The following PHTF2 variants were observed in gnomAD, a reference collection of about 807,000 sequenced individuals.
The protein encoded by PHTF2 is protein PHTF2.
PHTF2 carries 60 observed loss-of-function variants against 101.2 expected under a neutral mutation model. The observed-to-expected ratio is 0.59, with a 90% CI of 0.48 to 0.73. PHTF2 has a LOEUF of 0.73. PHTF2 is among the 30% of genes least tolerant of loss of function. PHTF2 has a pLI of 0.00. For synonymous variants in PHTF2, 311 were observed against 307.3 expected, an observed-to-expected ratio of 1.01 and a Z score of -0.13; for missense variants, 747 against 908.7, an observed-to-expected ratio of 0.82 and a Z score of 2.29.
intron 7 of PHTF2, among the ~76,000 whole-genome samples, chr7:77,904,254 G>A (rs1164567906): frequency 6.6e-6 from 1 of 152,020 alleles, no homozygotes; most frequent in African/African-American, 2.4e-5. Flanking sequence ...TTGCCTATGT[G>A]TCTTTGGACA....
rs751043578 is a variant in PHTF2 at position 77,937,807 on chromosome 7, T to C, written c.1436T>C (p.Val479Ala). Residue 479 changes from valine to alanine, a missense_variant, in exon 13 of 20, where the codon GTA becomes GCA. By Grantham distance (64) the Val-to-Ala change is moderately conservative. This residue lies in a region of PHTF2 where 349 missense variants were observed against 369.7 expected (regional missense o/e 0.94). Coordinates refer to ENST00000416283, the Ensembl canonical transcript of PHTF2. ...GATTGTAAGAAAGCAGACATGTCTG[T>C]ACTTGAAATCAGTGGAATGATAATG... is the stretch of plus-strand genomic sequence containing the variant. 6 of 1,546,820 alleles carry C rather than the reference T, an allele frequency of 3.9e-6. No individual in the cohort carries two copies. The South Asian group carries it at 7.4e-5, about 19-fold the overall frequency.
At chr7:77,897,660 T>C (rs1800995911) in intron 5 of PHTF2, among the ~76,000 whole-genome samples, 1 of 152,150 alleles carries the variant, frequency 6.6e-6, no homozygotes, top group Non-Finnish European at 1.5e-5. Context: ...CAGTGTAAAA[T>C]AGCTACTTAA....
intron 12 of PHTF2, among the ~76,000 whole-genome samples, chr7:77,935,057 T>G (rs755285318): frequency 2.6e-5 from 4 of 151,862 alleles, no homozygotes; most frequent in African/African-American, 7.3e-5. Flanking sequence ...TAAAAAAAAT[T>G]TCATGTGATG....
Position 77,854,890 on chromosome 7 carries a change from C to T in PHTF2, c.147+56C>T. Reference sequence around the variant, plus strand: ...CAGGGCAGCAGGCTTTGCTCTGGCCCATGCTGGGTCCAGAAATGCTGACCA... The same window carrying T: ...CAGGGCAGCAGGCTTTGCTCTGGCCTATGCTGGGTCCAGAAATGCTGACCA... On this transcript the variant is annotated intron_variant, in intron 3 of 19. Transcript: ENST00000416283. The T allele has an allele frequency of 4.2e-6, 3 of 709,468 alleles. No homozygotes were observed. In the South Asian group the frequency reaches 4.4e-5, roughly 10 times the overall value. The allele number at this position is 709,468 out of a possible 1,614,324, so 43.9% of individuals were successfully genotyped here. A position where few individuals can be genotyped will look rare whatever the true frequency, so the allele number is the denominator to read the frequency against.
intron 1 of PHTF2, among the ~76,000 whole-genome samples, chr7:77,822,904 C>CTTT (rs35785317): frequency 1.7e-5 from 2 of 118,448 alleles, no homozygotes; most frequent in Non-Finnish European, 3.4e-5. Flanking sequence ...ATATTTAAAT[C>CTTT]TTTTTTTTTT....
intron 1 of PHTF2, among the ~76,000 whole-genome samples, chr7:77,833,990 G>A (rs1795254698): frequency 6.6e-6 from 1 of 152,104 alleles, no homozygotes. Flanking sequence ...AAAGGAAGAA[G>A]CTGGAGCAAA....
intron 2 of PHTF2, among the ~76,000 whole-genome samples, chr7:77,843,745 T>C (rs1796063148): frequency 1.3e-5 from 2 of 152,186 alleles, no homozygotes; most frequent in Admixed American, 1.3e-4. Context: ...ATGGACCCCT[T>C]TGTGTTGAAA....
exon 19 of PHTF2, chr7:77,953,781 C>A: frequency 6.2e-7 from 1 of 1,612,920 alleles, no homozygotes; most frequent in Non-Finnish European, 8.5e-7. Flanking sequence ...GTTGGACAGT[C>A]CTTTTAGATT....
chr7:77,952,438 G>GGGTT (rs1193995329), intron 18 of PHTF2, among the ~76,000 whole-genome samples: 6 of 152,130 alleles, frequency 3.9e-5, no homozygotes, highest in African/African-American at 1.4e-4. Flanking sequence ...TAGTATTGAA[G>GGGTT]GGTTCAGAAG....
At chr7:77,816,937 G>T (rs748411141) in intron 1 of PHTF2, among the ~76,000 whole-genome samples, 3 of 152,188 alleles carry the variant, frequency 2.0e-5, no homozygotes, top group Non-Finnish European at 4.4e-5. Context: ...TCCACTGTCT[G>T]TAGACCCCAT....
intron 3 of PHTF2, among the ~76,000 whole-genome samples, chr7:77,855,974 T>A (rs1441467852): frequency 6.6e-6 from 1 of 152,208 alleles, no homozygotes; most frequent in South Asian, 2.1e-4. Flanking sequence ...TTGGTTTTTA[T>A]AGAGGTGCTT....
intron 11 of PHTF2, chr7:77,923,043 A>G (rs1210844956): frequency 1.4e-5 from 16 of 1,113,206 alleles, no homozygotes; most frequent in Admixed American, 4.7e-5. Flanking sequence ...TTTAAAGAAG[A>G]ACATTCTGGA....
chr7:77,910,167 A>G (rs1802246765), intron 8 of PHTF2, 78 bp from the exon 8 acceptor site: 6 of 1,248,580 alleles, frequency 4.8e-6, no homozygotes, highest in Non-Finnish European at 6.6e-6. Context: ...ATGTTTTCCA[A>G]AATTTTGATT....
At chr7:77,876,097 T>C (rs1215224858) in intron 3 of PHTF2, among the ~76,000 whole-genome samples, 19 of 152,324 alleles carry the variant, frequency 1.2e-4, no homozygotes, top group South Asian at 2.1e-4. Context: ...CTGCACTCTT[T>C]ACTTAACAGT....
rs144449529 is a variant in PHTF2, at chr7:77,884,009, C to T, written c.148-9599C>T. Among the ~76,000 whole-genome samples the T allele has an allele frequency of 4.7e-3, 712 of 152,222 alleles. 10 individuals carry two copies. Among genetic ancestry groups the T allele is most frequent in the African/African-American group, 0.016 (677 of 41,530 alleles). On this transcript the variant is annotated intron_variant, in intron 3 of 19. Coordinates refer to ENST00000416283, the Ensembl canonical transcript of PHTF2. Reference sequence around the variant, plus strand: ...AATGTGTTTTATTGTCCCCATTATACGGAGGTTGAGAGGTCAAGTACCTTG... The same window carrying T: ...AATGTGTTTTATTGTCCCCATTATATGGAGGTTGAGAGGTCAAGTACCTTG...
intron 2 of PHTF2, 136 bp downstream of exon 2, chr7:77,840,436 C>G: frequency 3.5e-6 from 2 of 569,848 alleles, no homozygotes; most frequent in Non-Finnish European, 6.2e-6. Flanking sequence ...TATTTTACTT[C>G]TAAATAAATT....
At chr7:77,922,909 T>C in intron 11 of PHTF2, 131 bp downstream of exon 10, 1 of 1,290,630 alleles carries the variant, frequency 7.7e-7, no homozygotes, top group Non-Finnish European at 1.0e-6. Context: ...TATTGTTGTA[T>C]GATCTGGATT....
At chr7:77,859,079 A>T (rs1797409683) in intron 3 of PHTF2, among the ~76,000 whole-genome samples, 1 of 151,690 alleles carries the variant, frequency 6.6e-6, no homozygotes, top group Non-Finnish European at 1.5e-5. Flanking sequence ...TAGATTCATC[A>T]TTCCAATCTT....
At chr7:77,932,485 A>C (rs905483931) in intron 12 of PHTF2, among the ~76,000 whole-genome samples, 6 of 152,056 alleles carry the variant, frequency 3.9e-5, no homozygotes, top group African/African-American at 7.2e-5. Flanking sequence ...GCAATAAGCG[A>C]GATGATACAA....
Sources: allele counts gnomAD v4.1 joint callset (sites outside exome capture counted in the v4.1 genomes callset), GRCh38; gene constraint gnomAD v4.1.1; regional missense constraint gnomAD v4.1.1; transcripts MANE v1.5; gene names NCBI Gene and HGNC (gene_info 2026-07-23, HGNC 2026-07-21).